LAMA1: variants seen among roughly 807,000 people sequenced by gnomAD.
LAMA1 encodes the protein laminin subunit alpha-1.
A neutral mutation model predicts 348.7 loss-of-function variants in LAMA1; 219 were observed. The observed-to-expected ratio is 0.63, with a 90% CI of 0.56 to 0.70. LAMA1 has a LOEUF of 0.70. LAMA1 is among the 30% of genes least tolerant of loss of function. The pLI is 0.00. For missense variants in LAMA1, 3,744 were observed against 3,888.0 expected, an observed-to-expected ratio of 0.96 and a Z score of 0.99; for synonymous variants, 1,487 against 1,491.0, an observed-to-expected ratio of 1.00 and a Z score of 0.06.
At chr18:7,101,880 T>A (rs1406557715) in intron 1 of LAMA1, among the ~76,000 whole-genome samples, 2 of 150,694 alleles carry the variant, frequency 1.3e-5, no homozygotes, top group Non-Finnish European at 2.9e-5. Context: ...GGTCTCCCTA[T>A]GTTGCCCAGG....
Position 7,011,446 on chromosome 18 carries a change from C to T in LAMA1, c.3541G>A (p.Val1181Met), listed in dbSNP as rs2057860127. 1 of 1,608,332 alleles carries T rather than the reference C, an allele frequency of 6.2e-7. No individual in the cohort carries two copies. Among genetic ancestry groups the T allele is most frequent in the Admixed American group, 1.7e-5 (1 of 59,122 alleles). ...TLGSDQPLLR[V>M]VSQSNLRGTT... is the part of the protein sequence containing the mutation. ...CCCCTCAAGTTACTCTGAGAAACCACACGCAGAAGAGGCTGATCGGAGCCC... is the reference window on the plus strand; with the variant it reads ...CCCCTCAAGTTACTCTGAGAAACCATACGCAGAAGAGGCTGATCGGAGCCC... The change falls in exon 25 of 63, where the codon GTG becomes ATG. Residue 1181 changes from valine to methionine, a missense_variant. Physicochemically the swap from Val to Met is conservative, Grantham distance 21. This residue lies in a region of LAMA1 where 1,529 missense variants were observed against 1,689.4 expected (regional missense o/e 0.91). Transcript: ENST00000389658.
At chr18:7,078,228 G>C (rs940025980) in intron 3 of LAMA1, among the ~76,000 whole-genome samples, 3 of 150,022 alleles carry the variant, frequency 2.0e-5, no homozygotes, top group African/African-American at 7.3e-5. Flanking sequence ...GTGCAGTGGT[G>C]TGATCTCGGC....
chr18:7,085,707 C>A (rs11081298), intron 1 of LAMA1, among the ~76,000 whole-genome samples: 4 of 151,880 alleles, frequency 2.6e-5, no homozygotes, highest in Admixed American at 6.6e-5. Flanking sequence ...CGTGAGCCAC[C>A]GCTCCTGGCC....
chr18:7,075,349 G>A (rs1218440880), intron 3 of LAMA1, among the ~76,000 whole-genome samples: 2 of 152,218 alleles, frequency 1.3e-5, no homozygotes, highest in African/African-American at 2.4e-5. Flanking sequence ...AAGGTCAGGC[G>A]CGGTGGCTCA....
At chr18:6,955,030 G>T in intron 57 of LAMA1, 1 of 387,206 alleles carries the variant, frequency 2.6e-6, no homozygotes, top group Admixed American at 3.7e-5. Context: ...GCTTAAAGTG[G>T]AATGGGGTTG....
At chr18:7,003,351 C>T (rs959679051) in intron 29 of LAMA1, among the ~76,000 whole-genome samples, 16 of 149,666 alleles carry the variant, frequency 1.1e-4, no homozygotes, top group Admixed American at 7.3e-4. Flanking sequence ...CCCGGGTTCA[C>T]GCCATTCTCC....
intron 1 of LAMA1, among the ~76,000 whole-genome samples, chr18:7,099,500 A>AG (rs1320863760): frequency 1.3e-5 from 2 of 151,840 alleles, no homozygotes; most frequent in Non-Finnish European, 2.9e-5. Context: ...ACAAAAAAAA[A>AG]AATGAACTTA....
Position 7,105,861 on chromosome 18 carries a change from T to G in LAMA1, c.61+11799A>C, listed in dbSNP as rs369501180. 9.5e-4 allele frequency among the ~76,000 whole-genome samples: 144 copies of G among 152,310 alleles called. 1 individual carries two copies. The highest frequency in any genetic ancestry group is 3.3e-3 in the African/African-American group (137 of 41,574). On this transcript the variant is annotated intron_variant, in intron 1 of 62. Transcript: ENST00000389658. ...TTTTTCAAAGAAGGGTCTTGGCGAATGACCAAGTCAGCAAAGCAAGACTAA... is the reference window on the plus strand; with the variant it reads ...TTTTTCAAAGAAGGGTCTTGGCGAAGGACCAAGTCAGCAAAGCAAGACTAA...
rs1442176562 is a variant in LAMA1 at position 6,959,372 on chromosome 18, C to A, written c.7747G>T (p.Ala2583Ser). Residue 2583 changes from alanine (A) to serine (S), a missense_variant, in exon 54 of 63, where the codon GCG becomes TCG. By Grantham distance (99) the Ala-to-Ser change is moderately conservative. Around this residue, in one of 3 missense-constraint regions of LAMA1, gnomAD observed 1,983 missense variants for 1,934.3 expected, o/e 1.03. Coordinates refer to ENST00000389658, the MANE Select transcript of LAMA1 (RefSeq NM_005559.4). ...APTGTCSDGQAHSISLVRNRR... is the reference protein window; with the variant it reads ...APTGTCSDGQSHSISLVRNRR... The stretch of plus-strand genomic sequence containing the variant: ...TTCCTGACCAAGGAGATGGAATGCG[C>A]TTGTCCATCACTGCAGGTACCCGTG... 1 of 1,614,070 alleles carries A rather than the reference C, an allele frequency of 6.2e-7. No homozygotes were observed. Among genetic ancestry groups the A allele is most frequent in the Non-Finnish European group, 8.5e-7 (1 of 1,180,052 alleles).
chr18:6,949,038 T>C (rs1350669775), intron 59 of LAMA1, 63 bp downstream of exon 59: 1 of 1,596,806 alleles, frequency 6.3e-7, no homozygotes, highest in Admixed American at 1.7e-5. Flanking sequence ...TGAGGTATGC[T>C]CTTCTACAAA....
At chr18:6,991,204 C>G (rs1173441002) in intron 36 of LAMA1, among the ~76,000 whole-genome samples, 1 of 151,992 alleles carries the variant, frequency 6.6e-6, no homozygotes, top group African/African-American at 2.4e-5. Flanking sequence ...TGTTTTTCAC[C>G]TAACAAATCA....
chr18:7,061,609 T>C (rs1229275657), intron 3 of LAMA1, among the ~76,000 whole-genome samples: 1 of 152,216 alleles, frequency 6.6e-6, no homozygotes, highest in African/African-American at 2.4e-5. Context: ...CAAAATGCAG[T>C]TCCCCATTTG....
chr18:7,036,782 T>C (rs779141696), intron 12 of LAMA1, among the ~76,000 whole-genome samples: 11 of 152,004 alleles, frequency 7.2e-5, no homozygotes, highest in Admixed American at 6.5e-5. Flanking sequence ...AAAATGAAAA[T>C]ATCATCAAAT....
At position 6,961,580 on chromosome 18, in the gene LAMA1, A is replaced by G. The variant is rs2057607574; in HGVS notation, c.7626+6T>C. 1 of 1,612,822 alleles carries G rather than the reference A, an allele frequency of 6.2e-7. No individual in the cohort carries two copies. The highest frequency in any genetic ancestry group is 8.5e-7 in the Non-Finnish European group (1 of 1,179,938). Reference sequence around the variant, plus strand: ...CTTGGGGCTCAGGAGCACTGGCCCTACTCACCACGTGTGCTTCCTCACGAT... The same window carrying G: ...CTTGGGGCTCAGGAGCACTGGCCCTGCTCACCACGTGTGCTTCCTCACGAT... On this transcript the variant is annotated splice_donor_region_variant and intron_variant, in intron 53 of 62. Coordinates refer to ENST00000389658, the MANE Select transcript of LAMA1 (RefSeq NM_005559.4).
intron 19 of LAMA1, among the ~76,000 whole-genome samples, chr18:7,021,164 TCA>T (rs2057913651): frequency 6.6e-6 from 1 of 152,108 alleles, no homozygotes; most frequent in Non-Finnish European, 1.5e-5. Context: ...CCTTCAGGTC[TCA>T]GATGAACAGC....
intron 16 of LAMA1, 102 bp from the exon 17 acceptor site, chr18:7,026,208 TGCTAAAACCA>T: frequency 7.0e-7 from 1 of 1,436,256 alleles, no homozygotes; most frequent in South Asian, 1.2e-5. Flanking sequence ...AAAGACAAAA[TGCTAAAACCA>T]GTCACCAACC....
intron 1 of LAMA1, among the ~76,000 whole-genome samples, chr18:7,115,876 G>C (rs1189596316): frequency 6.6e-6 from 1 of 151,086 alleles, no homozygotes; most frequent in Admixed American, 6.6e-5. Context: ...CAGCTACTCG[G>C]GAGGCTGAGG....
At chr18:7,117,545 G>T in intron 1 of LAMA1, 115 bp downstream of exon 1, 2 of 1,103,058 alleles carry the variant, frequency 1.8e-6, no homozygotes, top group Non-Finnish European at 2.6e-6. Flanking sequence ...ACTCCGAGGT[G>T]GATCAGGATG....
At chr18:6,987,811 G>A (rs867753553) in intron 36 of LAMA1, among the ~76,000 whole-genome samples, 24 of 152,178 alleles carry the variant, frequency 1.6e-4, no homozygotes, top group African/African-American at 5.5e-4. Flanking sequence ...AATTTTTAAC[G>A]ATAATAAAGA....
Sources: gnomAD v4.1 joint callset for allele counts (sites outside exome capture counted in the v4.1 genomes callset) on GRCh38, gnomAD v4.1.1 for gene constraint, gnomAD v4.1.1 regional missense constraint, MANE v1.5 for transcripts, NCBI Gene and HGNC (gene_info 2026-07-23, HGNC 2026-07-21) for gene names.